ZBTB45: variants seen among roughly 807,000 people sequenced by gnomAD.
The protein encoded by ZBTB45 is zinc finger and BTB domain-containing protein 45.
ZBTB45 carries 22 observed loss-of-function variants against 28.4 expected under a neutral mutation model. That is an observed-to-expected ratio of 0.77 (90% CI 0.55 to 1.10). ZBTB45 has a LOEUF of 1.10. ZBTB45 is among the 50% of genes least tolerant of loss of function. The pLI, the probability that ZBTB45 is intolerant of heterozygous loss-of-function variation, is 0.00. For missense variants in ZBTB45, 656 were observed against 750.2 expected, an observed-to-expected ratio of 0.87 and a Z score of 1.47; for synonymous variants, 361 against 332.3, an observed-to-expected ratio of 1.09 and a Z score of -0.94.
At chr19:58,538,206 C>A (rs1441480780) in intron 1 of ZBTB45, among the ~76,000 whole-genome samples, 1 of 150,626 alleles carries the variant, frequency 6.6e-6, no homozygotes, top group South Asian at 2.1e-4. Flanking sequence ...TTTTTTTTTT[C>A]TTTTCTTTTC....
intron 1 of ZBTB45, among the ~76,000 whole-genome samples, chr19:58,536,914 C>T (rs1294987644): frequency 6.6e-6 from 1 of 152,142 alleles, no homozygotes; most frequent in Non-Finnish European, 1.5e-5. Context: ...ATTGACAGTT[C>T]ACAGTGGTCC....
At position 58,517,363 on chromosome 19, in the gene ZBTB45, G is replaced by A. The variant is rs755086224; in HGVS notation, c.311C>T (p.Thr104Met). 1.4e-5 allele frequency: 22 copies of A among 1,612,378 alleles called. No individual in the cohort carries two copies. The highest frequency in any genetic ancestry group is 2.2e-5 in the East Asian group (1 of 44,880). Residue 104 changes from threonine (T) to methionine (M), a missense_variant, in exon 2 of 3, where the codon ACG becomes ATG. Coordinates refer to ENST00000594051, the MANE Select transcript of ZBTB45 (RefSeq NM_001316979.2). ...CTGTATGCGAAGCACTGACGCGGCC[G>A]TGAGCACCTGCAGGGCTTCACCCTG... ...VAQGEALQVL[T>M]AASVLRIQTV...
intron 1 of ZBTB45, among the ~76,000 whole-genome samples, chr19:58,530,929 T>G (rs2053632926): frequency 6.6e-6 from 1 of 152,088 alleles, no homozygotes; most frequent in South Asian, 2.1e-4. Flanking sequence ...ATGATCCACC[T>G]GCCTTGGCTT....
chr19:58,521,813 C>T (rs980364255), upstream of ZBTB45, among the ~76,000 whole-genome samples: 1 of 152,114 alleles, frequency 6.6e-6, no homozygotes, highest in African/African-American at 2.4e-5. Context: ...CCTCAGGGAG[C>T]AGTTCTCACT....
chr19:58,519,324 C>A (rs576099836), intron 1 of ZBTB45: 5 of 152,590 alleles, frequency 3.3e-5, no homozygotes, highest in Non-Finnish European at 7.3e-5. Flanking sequence ...CGCATCAACC[C>A]GAGAGACTTG....
chr19:58,530,928 C>A (rs1191976699), intron 1 of ZBTB45, among the ~76,000 whole-genome samples: 1 of 152,174 alleles, frequency 6.6e-6, no homozygotes, highest in Non-Finnish European at 1.5e-5. Context: ...CATGATCCAC[C>A]TGCCTTGGCT....
chr19:58,532,218 G>T (rs1331936255), intron 1 of ZBTB45, among the ~76,000 whole-genome samples: 4 of 152,120 alleles, frequency 2.6e-5, no homozygotes, highest in Admixed American at 1.3e-4. Flanking sequence ...ACTGAAAATG[G>T]CCCCCAATGA....
Position 58,517,412 on chromosome 19 carries a change from A to G in ZBTB45, c.262T>C (p.Tyr88His), listed in dbSNP as rs762421543. ...TGCGCCACAACGAGCGAACCGCTGT[A>G]CAGGAACTCTACCAGCTGTCGCACT... ...QTVRQLVEFL[Y>H]SGSLVVAQGE... The change falls in exon 2 of 3, where the codon TAC becomes CAC. Residue 88 changes from tyrosine (Y) to histidine (H), a missense_variant. Around this residue, in one of 3 missense-constraint regions of ZBTB45, gnomAD observed 105 missense variants for 152.4 expected, o/e 0.69. Coordinates refer to ENST00000594051, the MANE Select transcript of ZBTB45 (RefSeq NM_001316979.2). 15 of 1,613,024 alleles carry G rather than the reference A, an allele frequency of 9.3e-6. No individual in the cohort carries two copies. Among genetic ancestry groups the G allele is most frequent in the Non-Finnish European group, 1.2e-5 (14 of 1,179,894 alleles).
rs1357354706 is a variant in ZBTB45, at chr19:58,514,103, G to C, written c.1487C>G (p.Ser496Trp). The change falls in exon 3 of 3, where the codon TCG becomes TGG. Residue 496 changes from serine (S) to tryptophan (W), a missense_variant. Physicochemically the swap from Ser to Trp is radical, Grantham distance 177 (BLOSUM62 -3). Transcript: ENST00000594051. ...GTGGCGCTCCAGCAGCGCGCGGTGC[G>C]AGAAGACCTTGCCGCAGGCGGGGCA... ...APCPACGKVF[S>W]HRALLERHLA... is the part of the protein sequence containing the mutation. 3 of 1,596,028 alleles carry C rather than the reference G, an allele frequency of 1.9e-6. No individual in the cohort carries two copies. Among genetic ancestry groups the C allele is most frequent in the Non-Finnish European group, 2.6e-6 (3 of 1,172,734 alleles).
upstream of ZBTB45, among the ~76,000 whole-genome samples, chr19:58,522,718 G>A (rs903419898): frequency 3.9e-5 from 6 of 152,174 alleles, no homozygotes; most frequent in Non-Finnish European, 7.3e-5. Flanking sequence ...TGGCCTGCTG[G>A]ACCCACTGGG....
In ZBTB45 at chr19:58,516,084, C is replaced by T. The variant is rs2053488833; in HGVS notation, c.1279+311G>A. Among the ~76,000 whole-genome samples the T allele has an allele frequency of 6.6e-6, 1 of 152,148 alleles. No individual in the cohort carries two copies. Among genetic ancestry groups the T allele is most frequent in the Non-Finnish European group, 1.5e-5 (1 of 68,008 alleles). On this transcript the variant is annotated intron_variant, in intron 2 of 2. Transcript: ENST00000594051. The surrounding 1 kb of genome is among the most constrained non-coding windows in gnomAD (Gnocchi z 6.2). ...AACCTGCCAGGACCTCCTGCCAAGGCTCCATACCCATCATGTGCATCCCAG... is the reference window on the plus strand; with the variant it reads ...AACCTGCCAGGACCTCCTGCCAAGGTTCCATACCCATCATGTGCATCCCAG...
chr19:58,532,868 C>T (rs888746852), intron 1 of ZBTB45, among the ~76,000 whole-genome samples: 3 of 148,098 alleles, frequency 2.0e-5, no homozygotes, highest in African/African-American at 7.5e-5. Flanking sequence ...AAAAGTCTCG[C>T]TCTGTCACCC....
rs544553898 is a variant in ZBTB45, at chr19:58,525,759, A to G, written c.1-8086T>C. ...GAGAAAAGATTTAATGTGCTTTCATATGTAAAATACAAAGAAGAAGGTACT... is the reference window on the plus strand; with the variant it reads ...GAGAAAAGATTTAATGTGCTTTCATGTGTAAAATACAAAGAAGAAGGTACT... On this transcript the variant is annotated intron_variant, in intron 1 of 1. Transcript: ENST00000600130. 7.2e-5 allele frequency among the ~76,000 whole-genome samples: 11 copies of G among 152,368 alleles called. No individual in the cohort carries two copies. In the East Asian group the frequency reaches 1.9e-3, roughly 27 times the overall value.
At position 58,516,660 on chromosome 19, in the gene ZBTB45, G is replaced by A. The variant is rs767892663; in HGVS notation, c.1014C>T (p.Ala338=). The A allele has an allele frequency of 1.9e-6, 3 of 1,564,656 alleles. No individual in the cohort carries two copies. Among genetic ancestry groups the A allele is most frequent in the Non-Finnish European group, 2.6e-6 (3 of 1,154,502 alleles). ...AAGGGGGTGGTGCGGGTGGCCCAGG[G>A]GCACCCAAGTGAAAGGGGAAGAGTG... is the stretch of plus-strand genomic sequence containing the variant. ...PVALFPFHLG[A]PGPPAPPPSA... is the part of the protein sequence containing the mutation. Residue 338 remains alanine, a synonymous_variant, in exon 2 of 3, where the codon GCC becomes GCT. Coordinates refer to ENST00000594051, the MANE Select transcript of ZBTB45 (RefSeq NM_001316979.2). The surrounding 1 kb of genome is among the most constrained non-coding windows in gnomAD (Gnocchi z 6.2).
chr19:58,521,883 G>A (rs995010090), upstream of ZBTB45, among the ~76,000 whole-genome samples: 1 of 152,080 alleles, frequency 6.6e-6, no homozygotes, highest in African/African-American at 2.4e-5. Context: ...CTGTCCAAAC[G>A]CATGACTAGA....
chr19:58,514,353 C>G, intron 2 of ZBTB45, 43 bp from the exon 3 acceptor site: 1 of 1,458,472 alleles, frequency 6.9e-7, no homozygotes, highest in South Asian at 1.3e-5. Context: ...TCAGACTCTA[C>G]AGCTCCCCGC....
rs142632290 is a variant in ZBTB45 at position 58,516,694 on chromosome 19, G to A, written c.980C>T (p.Pro327Leu). The change falls in exon 2 of 3, where the codon CCG (proline) becomes CTG (leucine). Residue 327 changes from proline to leucine, a missense_variant. Physicochemically the swap from Pro to Leu is moderately conservative, Grantham distance 98 (BLOSUM62 -3). Around this residue, in one of 3 missense-constraint regions of ZBTB45, gnomAD observed 448 missense variants for 444.3 expected, o/e 1.01. Coordinates refer to ENST00000594051, the MANE Select transcript of ZBTB45 (RefSeq NM_001316979.2). The surrounding 1 kb of genome is among the most constrained non-coding windows in gnomAD (Gnocchi z 6.2). Reference protein sequence around the residue: ...SRPPGVKTPGPPVALFPFHLG... With the variant: ...SRPPGVKTPGLPVALFPFHLG... ...GTGAAAGGGGAAGAGTGCAACGGGCGGCCCTGGGGTCTTCACACCAGGCGG... is the reference window on the plus strand; with the variant it reads ...GTGAAAGGGGAAGAGTGCAACGGGCAGCCCTGGGGTCTTCACACCAGGCGG... 45 of 1,580,682 alleles carry A rather than the reference G, an allele frequency of 2.8e-5. No individual in the cohort carries two copies. The highest frequency in any genetic ancestry group is 1.6e-4 in the Admixed American group (9 of 57,744).
At chr19:58,529,242 G>A (rs1600069201) in intron 1 of ZBTB45, among the ~76,000 whole-genome samples, 2 of 152,026 alleles carry the variant, frequency 1.3e-5, no homozygotes, top group South Asian at 4.1e-4. Flanking sequence ...GAATATGAGA[G>A]CAGCCTGAGC....
rs1164970629 is a variant in ZBTB45, at chr19:58,514,129, G to A, written c.1461C>T (p.Pro487=). The A allele has an allele frequency of 2.5e-6, 4 of 1,601,892 alleles. No individual in the cohort carries two copies. The highest frequency in any genetic ancestry group is 2.6e-6 in the Non-Finnish European group (3 of 1,174,948). The change falls in exon 3 of 3, where the codon CCC becomes CCT. Residue 487 remains proline, a synonymous_variant. Transcript: ENST00000594051. ...AGAAGACCTTGCCGCAGGCGGGGCA[G>A]GGCGCGCGCTCGGGCCGGTGAGTGC... is the stretch of plus-strand genomic sequence containing the variant. ...HMRTHRPERA[P]CPACGKVFSH...
Sources: gnomAD v4.1 joint callset for allele counts (sites outside exome capture counted in the v4.1 genomes callset) on GRCh38, gnomAD v4.1.1 for gene constraint, gnomAD v4.1.1 regional missense constraint, Gnocchi (gnomAD v3.1) non-coding constraint, MANE v1.5 for transcripts, NCBI Gene and HGNC (gene_info 2026-07-23, HGNC 2026-07-21) for gene names.